The following LRRC9 variants were observed in gnomAD, a reference collection of about 807,000 sequenced individuals.
LRRC9 encodes the protein leucine-rich repeat-containing protein 9.
A neutral mutation model predicts 63.2 loss-of-function variants in LRRC9; 122 were observed. That is an observed-to-expected ratio of 1.93 (90% CI 1.67 to 2.24). The LOEUF (loss-of-function observed/expected upper bound fraction) is 2.24. Among genes scored for constraint, LRRC9 ranks in the 30% most tolerant of loss-of-function variants. The pLI is 0.00. For missense variants in LRRC9, 1,071 were observed against 627.7 expected (o/e 1.71, Z -7.55); for synonymous variants, 366 against 213.1 (o/e 1.72, Z -6.25).
chr14:60,021,534 G>A (rs1309918067), intron 26 of LRRC9, among the ~76,000 whole-genome samples: 1 of 151,810 alleles, frequency 6.6e-6, no homozygotes, highest in Non-Finnish European at 1.5e-5. Flanking sequence ...TGCAATTTAG[G>A]TGTTATATGT....
chr14:60,015,443 G>A (rs1395096187), intron 23 of LRRC9, among the ~76,000 whole-genome samples: 3 of 152,074 alleles, frequency 2.0e-5, no homozygotes, highest in South Asian at 2.1e-4. Context: ...GTGAGAAGAC[G>A]AGGAACAACT....
intron 26 of LRRC9, 28 bp downstream of exon 26, chr14:60,019,288 A>G (rs1276616416): frequency 1.5e-6 from 1 of 669,236 alleles, no homozygotes; most frequent in Non-Finnish European, 2.7e-6. Flanking sequence ...TATGATTATA[A>G]CTAATTTTGG....
At chr14:60,028,710 G>T (rs893419666) in intron 28 of LRRC9, among the ~76,000 whole-genome samples, 2 of 152,080 alleles carry the variant, frequency 1.3e-5, no homozygotes, top group African/African-American at 4.8e-5. Context: ...TAGCATTTCT[G>T]TGGTGGTCTG....
intron 23 of LRRC9, among the ~76,000 whole-genome samples, chr14:60,016,412 C>T (rs1288248132): frequency 6.6e-6 from 1 of 152,046 alleles, no homozygotes; most frequent in African/African-American, 2.4e-5. Context: ...CACTTTGTTG[C>T]CCAGCCTCAT....
chr14:60,062,867 TCAGC>T (rs1266379478), intron 31 of LRRC9, among the ~76,000 whole-genome samples: 1 of 150,614 alleles, frequency 6.6e-6, no homozygotes, highest in Admixed American at 6.7e-5. Flanking sequence ...CCTGCTTTAA[TCAGC>T]CATGTCCCAC....
intron 1 of LRRC9, among the ~76,000 whole-genome samples, chr14:59,920,845 A>C (rs530900494): frequency 3.9e-5 from 6 of 152,228 alleles, no homozygotes; most frequent in Non-Finnish European, 8.8e-5. Flanking sequence ...CTGTGGCATG[A>C]CAATTAACCC....
rs1460588204 is a variant in LRRC9, at chr14:59,930,740, G to T, written c.268-178G>T. 6.6e-6 allele frequency among the ~76,000 whole-genome samples: 1 copy of T among 151,610 alleles called. No homozygotes were observed. The highest frequency in any genetic ancestry group is 1.5e-5 in the Non-Finnish European group (1 of 67,750). On this transcript the variant is annotated intron_variant, in intron 3 of 31. Coordinates refer to ENST00000445360, the Ensembl canonical transcript of LRRC9. The surrounding 1 kb of genome is among the most constrained non-coding windows in gnomAD (Gnocchi z 4.9). Reference sequence around the variant, plus strand: ...AGAACATGCAAAATTGAAAATAGTTGTATTTAAATGGAAAACATGGAATAT... The same window carrying T: ...AGAACATGCAAAATTGAAAATAGTTTTATTTAAATGGAAAACATGGAATAT...
intron 7 of LRRC9, 100 bp from the exon 8 acceptor site, chr14:59,944,489 T>C: frequency 2.4e-6 from 1 of 423,368 alleles, no homozygotes. Flanking sequence ...GCAAATCATC[T>C]AAATTGTTAT....
At chr14:60,021,069 A>G (rs1161863849) in intron 26 of LRRC9, among the ~76,000 whole-genome samples, 1 of 151,858 alleles carries the variant, frequency 6.6e-6, no homozygotes, top group African/African-American at 2.4e-5. Flanking sequence ...AAACCGCTAA[A>G]CTGTTTTCCA....
chr14:59,999,302 A>G (rs771896694), intron 19 of LRRC9, 76 bp downstream of exon 19: 6 of 592,200 alleles, frequency 1.0e-5, no homozygotes, highest in Admixed American at 2.9e-5. Context: ...TTTTTCTGTC[A>G]TTAAGATTTT....
At chr14:59,985,748 A>G (rs1217848966) in intron 17 of LRRC9, among the ~76,000 whole-genome samples, 1 of 152,192 alleles carries the variant, frequency 6.6e-6, no homozygotes, top group Non-Finnish European at 1.5e-5. Context: ...ACAAGATTAT[A>G]CAGCCTAAAT....
At chr14:60,050,570 A>G (rs1401557687) in intron 29 of LRRC9, among the ~76,000 whole-genome samples, 4 of 152,178 alleles carry the variant, frequency 2.6e-5, no homozygotes, top group Middle Eastern at 3.4e-3. Context: ...ACTTCTATCA[A>G]TTCAGCCATC....
intron 12 of LRRC9, among the ~76,000 whole-genome samples, chr14:59,968,658 G>C (rs1885123367): frequency 6.6e-6 from 1 of 152,126 alleles, no homozygotes; most frequent in South Asian, 2.1e-4. Context: ...AGGAATTCAG[G>C]GTTTTACAAG....
chr14:60,025,836 T>C lies in LRRC9; in HGVS notation c.3704-2048T>C, dbSNP rs189532030. ...TGAATGGTATAATAAGGGCATAGAC[T>C]AGAGTGCTGGCAGTGGGAGTGGTAA... On this transcript the variant is annotated intron_variant, in intron 27 of 31. Transcript: ENST00000445360. 2.0e-3 allele frequency among the ~76,000 whole-genome samples: 309 copies of C among 152,160 alleles called. 2 individuals are homozygous for C. The highest frequency in any genetic ancestry group is 7.3e-3 in the African/African-American group (302 of 41,516).
chr14:60,020,482 G>A (rs1435132891), intron 26 of LRRC9, among the ~76,000 whole-genome samples: 3 of 151,710 alleles, frequency 2.0e-5, no homozygotes, highest in African/African-American at 7.3e-5. Context: ...TTTTATTGAA[G>A]TGGCAGTTAA....
chr14:60,026,063 T>C (rs1191598310), intron 27 of LRRC9, among the ~76,000 whole-genome samples: 1 of 152,086 alleles, frequency 6.6e-6, no homozygotes, highest in Non-Finnish European at 1.5e-5. Context: ...TATAACAATT[T>C]TGATGCACTA....
exon 14 of LRRC9, chr14:59,977,245 G>A (rs1384506308): frequency 1.5e-6 from 1 of 683,784 alleles, no homozygotes; most frequent in Admixed American, 2.2e-5. Flanking sequence ...CATTACAAAA[G>A]TTTTCCTTGG....
downstream of LRRC9, among the ~76,000 whole-genome samples, chr14:60,066,718 A>G (rs984705360): frequency 2.6e-5 from 4 of 152,198 alleles, no homozygotes; most frequent in Non-Finnish European, 2.9e-5. Flanking sequence ...TTTATTAGTA[A>G]TATTATTTCT....
intron 29 of LRRC9, among the ~76,000 whole-genome samples, chr14:60,043,755 CCTTT>C (rs1566903946): frequency 8.8e-6 from 1 of 114,130 alleles, no homozygotes; most frequent in African/African-American, 4.0e-5. Context: ...GTTTTCTTTT[CCTTT>C]TTTTTTTTTT....
Sources: gnomAD v4.1 joint callset for allele counts (sites outside exome capture counted in the v4.1 genomes callset) on GRCh38, gnomAD v4.1.1 for gene constraint, Gnocchi (gnomAD v3.1) non-coding constraint, MANE v1.5 for transcripts, NCBI Gene and HGNC (gene_info 2026-07-23, HGNC 2026-07-21) for gene names.